Variants in CCN5 observed in about 807,000 individuals in gnomAD.
CCN5 encodes CCN family member 5.
A neutral mutation model predicts 18.7 loss-of-function variants in CCN5; 17 were observed. The ratio of observed to expected loss-of-function variants is 0.91; its 90% CI spans 0.62 to 1.36. The LOEUF (loss-of-function observed/expected upper bound fraction) is 1.36. Among genes scored for constraint, CCN5 ranks in the 40% most tolerant of loss-of-function variants. The pLI is 0.00. For missense variants in CCN5, 367 were observed against 342.9 expected (o/e 1.07, Z -0.56); for synonymous variants, 135 against 145.2 (o/e 0.93, Z 0.50).
In CCN5 at chr20:44,726,935, G is replaced by A. The variant is rs563717614; in HGVS notation, c.533-152G>A. 1,042 of 699,114 alleles carry A rather than the reference G, an allele frequency of 1.5e-3. 6 individuals are homozygous for A. Among genetic ancestry groups the A allele is most frequent in the Middle Eastern group, 2.9e-3 (7 of 2,428 alleles). The allele number at this position is 699,114 out of a possible 1,614,324, so 43.3% of individuals were successfully genotyped here. On this transcript the variant is annotated intron_variant, in intron 3 of 3. Coordinates refer to ENST00000190983, the MANE Select transcript of CCN5 (RefSeq NM_003881.4). ...CTTCATGCCCATTATTTTATTCAAT[G>A]CCATCCACTGTTAAGAAATTTACAT...
intron 3 of CCN5, among the ~76,000 whole-genome samples, chr20:44,726,767 C>A (rs924415691): frequency 7.4e-4 from 112 of 152,274 alleles, no homozygotes; most frequent in Middle Eastern, 6.8e-3. Flanking sequence ...ACAGGCTGGG[C>A]ACCCCCTGCC....
intron 3 of CCN5, 72 bp downstream of exon 3, chr20:44,725,064 G>A: frequency 6.9e-7 from 1 of 1,449,588 alleles, no homozygotes; most frequent in Non-Finnish European, 9.1e-7. Flanking sequence ...GGGGTGGGGT[G>A]GGGGGCGGCT....
upstream of CCN5, chr20:44,715,219 G>T (rs980094256): frequency 6.5e-6 from 4 of 614,708 alleles, no homozygotes; most frequent in African/African-American, 5.7e-5. Flanking sequence ...GAATGAAAAA[G>T]CTAGTGTGTT....
intron 1 of CCN5, among the ~76,000 whole-genome samples, chr20:44,717,870 C>T (rs1439742777): frequency 6.8e-6 from 1 of 146,864 alleles, no homozygotes; most frequent in African/African-American, 2.5e-5. Context: ...CAGAGCAAGA[C>T]TCCATCTCAA....
rs1247881178 is a variant in CCN5, at chr20:44,727,449, C to T, written c.*142C>T. ...TAGCTTGGGTCCACCATGCAGAACA[C>T]CAATATTAACACGCTGCCTGGTCTG... On this transcript the variant is annotated 3_prime_UTR_variant, in exon 4 of 4. Coordinates refer to ENST00000190983, the MANE Select transcript of CCN5 (RefSeq NM_003881.4). 6.9e-7 allele frequency: 1 copy of T among 1,439,666 alleles called. No individual in the cohort carries two copies. Among genetic ancestry groups the T allele is most frequent in the Non-Finnish European group, 9.2e-7 (1 of 1,091,608 alleles). The allele number at this position is 1,439,666 out of a possible 1,614,324, so 89.2% of individuals were successfully genotyped here.
In CCN5 at chr20:44,724,959, G is replaced by C; in HGVS notation, c.499G>C (p.Gly167Arg). The change falls in exon 3 of 4, where the codon GGG becomes CGG. Residue 167 changes from glycine (G) to arginine (R), a missense_variant. Physicochemically the swap from Gly to Arg is moderately radical, Grantham distance 125. Coordinates refer to ENST00000190983, the MANE Select transcript of CCN5 (RefSeq NM_003881.4). The stretch of plus-strand genomic sequence containing the variant: ...CCCTGAGTGGGTGTGCGGCCAAGGA[G>C]GGGGACTGGGGACCCAGCCCCTTCC... Reference protein sequence around the residue: ...CCPEWVCGQGGGLGTQPLPAQ... With the variant: ...CCPEWVCGQGRGLGTQPLPAQ... The C allele has an allele frequency of 6.3e-7, 1 of 1,594,548 alleles. No homozygotes were observed. The highest frequency in any genetic ancestry group is 8.5e-7 in the Non-Finnish European group (1 of 1,171,574).
chr20:44,716,509 T>G (rs962806524), intron 1 of CCN5: 1 of 152,250 alleles, frequency 6.6e-6, no homozygotes, highest in African/African-American at 2.4e-5. Context: ...GATGCCAGTG[T>G]GGGTGGCTTG....
chr20:44,715,110 A>ACC (rs1407429905), upstream of CCN5: 2 of 450,128 alleles, frequency 4.4e-6, no homozygotes, highest in African/African-American at 2.0e-5. Flanking sequence ...ACACACACAC[A>ACC]CACACACACG....
intron 1 of CCN5, among the ~76,000 whole-genome samples, chr20:44,717,176 G>T (rs985444852): frequency 6.6e-6 from 1 of 152,150 alleles, no homozygotes; most frequent in Non-Finnish European, 1.5e-5. Context: ...GTTACTACAC[G>T]GTTTGAGCTC....
At position 44,726,016 on chromosome 20, in the gene CCN5, C is replaced by T. The variant is rs921038229; in HGVS notation, c.532+1024C>T. ...TGCACGGCATCTGCAACAGCCCCGC[C>T]ATCCCCTTTTTGCTGTGTGACTCTG... On this transcript the variant is annotated intron_variant, in intron 3 of 3. Transcript: ENST00000190983. Among the ~76,000 whole-genome samples the T allele has an allele frequency of 3.3e-5, 5 of 152,178 alleles. No homozygotes were observed. The East Asian group carries it at 9.6e-4, about 29-fold the overall frequency.
chr20:44,727,786 G>A lies in CCN5; in HGVS notation c.*479G>A, dbSNP rs1449880922. The A allele has an allele frequency of 4.7e-6, 1 of 212,364 alleles. No homozygotes were observed. The highest frequency in any genetic ancestry group is 9.3e-6 in the Non-Finnish European group (1 of 107,842). 13.2% of individuals were successfully genotyped at this position (212,364 alleles called of 1,614,324 possible). ...TGCCTTTTCTGGAGTTTGTAAAATT[G>A]TTCCTGAATACAAGCCTATGCGTGA... On this transcript the variant is annotated 3_prime_UTR_variant, in exon 4 of 4. Transcript: ENST00000190983.
chr20:44,727,288 C>T lies in CCN5; in HGVS notation c.734C>T (p.Pro245Leu). The change falls in exon 4 of 4, where the codon CCA becomes CTA. Residue 245 changes from proline to leucine, a missense_variant. By Grantham distance (98) the Pro-to-Leu change is moderately conservative. Coordinates refer to ENST00000190983, the MANE Select transcript of CCN5 (RefSeq NM_003881.4). ...TGCCCACCCTCCAGGGGTCGCAGTCCACAAAACAGTGCCTTCTAGAGCCGG... is the reference window on the plus strand; with the variant it reads ...TGCCCACCCTCCAGGGGTCGCAGTCTACAAAACAGTGCCTTCTAGAGCCGG... Reference protein sequence around the residue: ...RPCPPSRGRSPQNSAF With the variant: ...RPCPPSRGRSLQNSAF 1.2e-6 allele frequency: 2 copies of T among 1,612,300 alleles called. No individual in the cohort carries two copies. Among genetic ancestry groups the T allele is most frequent in the Non-Finnish European group, 1.7e-6 (2 of 1,179,088 alleles).
At position 44,719,931 on chromosome 20, in the gene CCN5, G is replaced by T. The variant is rs755279694; in HGVS notation, c.95G>T (p.Cys32Phe). The T allele has an allele frequency of 1.2e-6, 2 of 1,613,792 alleles. No individual in the cohort carries two copies. The highest frequency in any genetic ancestry group is 1.7e-6 in the Non-Finnish European group (2 of 1,179,952). The change falls in exon 2 of 4, where the codon TGC becomes TTC. Residue 32 changes from cysteine (C) to phenylalanine (F), a missense_variant. Transcript: ENST00000190983. ...RTQLCPTPCT[C>F]PWPPPRCPLG... is the part of the protein sequence containing the mutation. ...CAGCTGTGCCCGACACCATGTACCTGCCCCTGGCCACCTCCCCGATGCCCG... is the reference window on the plus strand; with the variant it reads ...CAGCTGTGCCCGACACCATGTACCTTCCCCTGGCCACCTCCCCGATGCCCG...
chr20:44,722,378 C>T (rs545379258), intron 2 of CCN5, among the ~76,000 whole-genome samples: 1 of 152,298 alleles, frequency 6.6e-6, no homozygotes, highest in East Asian at 1.9e-4. Context: ...AGAACGGCCT[C>T]CCCAGTCTGT....
Position 44,727,450 on chromosome 20 carries a change from C to T in CCN5, c.*143C>T. ...AGCTTGGGTCCACCATGCAGAACAC[C>T]AATATTAACACGCTGCCTGGTCTGT... On this transcript the variant is annotated 3_prime_UTR_variant, in exon 4 of 4. Transcript: ENST00000190983. The T allele has an allele frequency of 4.2e-6, 6 of 1,439,546 alleles. No homozygotes were observed. The highest frequency in any genetic ancestry group is 5.5e-6 in the Non-Finnish European group (6 of 1,091,612). 89.2% of individuals were successfully genotyped at this position (1,439,546 alleles called of 1,614,324 possible). A position where few individuals can be genotyped will look rare whatever the true frequency, so the allele number is the denominator to read the frequency against.
chr20:44,718,803 G>A (rs1440910195), intron 1 of CCN5, among the ~76,000 whole-genome samples: 1 of 152,226 alleles, frequency 6.6e-6, no homozygotes, highest in Non-Finnish European at 1.5e-5. Context: ...GCAGGGGGAG[G>A]AGGTTAGACT....
At position 44,727,804 on chromosome 20, in the gene CCN5, A is replaced by T. The variant is rs1213639442; in HGVS notation, c.*497A>T. 5.4e-6 allele frequency: 1 copy of T among 184,060 alleles called. No individual in the cohort carries two copies. The highest frequency in any genetic ancestry group is 1.1e-5 in the Non-Finnish European group (1 of 89,418). The allele number at this position is 184,060 out of a possible 1,614,324, so 11.4% of individuals were successfully genotyped here. A position where few individuals can be genotyped will look rare whatever the true frequency, so the allele number is the denominator to read the frequency against. ...TAAAATTGTTCCTGAATACAAGCCT[A>T]TGCGTGATCTTGTGTGTCAGGCCTG... is the stretch of plus-strand genomic sequence containing the variant. On this transcript the variant is annotated 3_prime_UTR_variant, in exon 4 of 4. Transcript: ENST00000190983.
chr20:44,725,741 CA>C (rs1568882062), intron 3 of CCN5, among the ~76,000 whole-genome samples: 1 of 140,852 alleles, frequency 7.1e-6, no homozygotes, highest in Admixed American at 7.8e-5. Flanking sequence ...AAAAGGAACT[CA>C]AAACTGAACG....
chr20:44,724,782 C>T lies in CCN5; in HGVS notation c.322C>T (p.Arg108Trp), dbSNP rs778459069. The change falls in exon 3 of 4, where the codon CGG (arginine) becomes TGG (tryptophan). Residue 108 changes from arginine (R) to tryptophan (W), a missense_variant. Arg to Trp is a moderately radical substitution (Grantham distance 101, BLOSUM62 -3). Transcript: ENST00000190983. ...SSCEVNGRLY[R>W]EGETFQPHCS... is the part of the protein sequence containing the mutation. ...CTGTGAGGTGAACGGCCGCCTGTAT[C>T]GGGAAGGGGAGACCTTCCAGCCCCA... The T allele has an allele frequency of 1.2e-6, 2 of 1,612,628 alleles. No individual in the cohort carries two copies. The highest frequency in any genetic ancestry group is 1.7e-5 in the Admixed American group (1 of 59,952).
Sources: allele counts gnomAD v4.1 joint callset (sites outside exome capture counted in the v4.1 genomes callset), GRCh38; gene constraint gnomAD v4.1.1; transcripts MANE v1.5; gene names NCBI Gene and HGNC (gene_info 2026-07-23, HGNC 2026-07-21).